Variants in AFF3 observed in about 807,000 individuals in gnomAD.
AFF3 encodes the protein ALF transcription elongation factor 3.
A neutral mutation model predicts 129.7 loss-of-function variants in AFF3; 32 were observed. The ratio of observed to expected loss-of-function variants is 0.25; its 90% CI spans 0.19 to 0.33. The LOEUF (loss-of-function observed/expected upper bound fraction) is 0.33. Among genes scored for constraint, AFF3 ranks in the 10% least tolerant of loss-of-function variants. The pLI, the probability that AFF3 is intolerant of heterozygous loss-of-function variation, is 1.00. For synonymous variants in AFF3, 644 were observed against 635.4 expected (o/e 1.01, Z -0.20); for missense variants, 1,373 against 1,592.0 (o/e 0.86, Z 2.34).
At chr2:99,596,652 C>A (rs566369129) in intron 14 of AFF3, among the ~76,000 whole-genome samples, 1 of 152,338 alleles carries the variant, frequency 6.6e-6, no homozygotes, top group Non-Finnish European at 1.5e-5. Flanking sequence ...CTGCTACCAT[C>A]CGGAGCCTTC....
rs552851281 is a variant in AFF3 at position 100,086,696 on chromosome 2, A to C, written c.53+17706T>G. On this transcript the variant is annotated intron_variant, in intron 4 of 24. Coordinates refer to ENST00000672756, the MANE Select transcript of AFF3 (RefSeq NM_001386135.1). ...TATTACCAAGGTTATTCTACTATTG[A>C]AAAAAGATGTTTCTAGCTGGCCTTC... Among the ~76,000 whole-genome samples, 14 of 152,330 alleles carry C rather than the reference A, an allele frequency of 9.2e-5. No homozygotes were observed. In the South Asian group the frequency reaches 2.9e-3, roughly 32 times the overall value.
chr2:99,826,256 C>T (rs1393334847), intron 8 of AFF3, among the ~76,000 whole-genome samples: 1 of 152,142 alleles, frequency 6.6e-6, no homozygotes, highest in Non-Finnish European at 1.5e-5. Flanking sequence ...CACAGGTGAT[C>T]CACCTGCCTC....
At chr2:99,790,661 G>T (rs1335589219) in intron 8 of AFF3, among the ~76,000 whole-genome samples, 1 of 152,136 alleles carries the variant, frequency 6.6e-6, no homozygotes, top group Non-Finnish European at 1.5e-5. Flanking sequence ...GATGCCAGGG[G>T]TACTGCTAAA....
At chr2:99,802,202 T>A (rs1310725066) in intron 8 of AFF3, among the ~76,000 whole-genome samples, 2 of 152,224 alleles carry the variant, frequency 1.3e-5, no homozygotes, top group African/African-American at 4.8e-5. Flanking sequence ...AGCCAGTTAT[T>A]TCACATGACA....
intron 4 of AFF3, among the ~76,000 whole-genome samples, chr2:100,098,203 T>G (rs1202918108): frequency 6.7e-6 from 1 of 148,708 alleles, no homozygotes; most frequent in Non-Finnish European, 1.5e-5. Context: ...CCAGCTGAAT[T>G]CAGAAACCTC....
chr2:99,968,778 G>A (rs1051644658), intron 7 of AFF3, among the ~76,000 whole-genome samples: 1 of 152,106 alleles, frequency 6.6e-6, no homozygotes, highest in Admixed American at 6.5e-5. Flanking sequence ...AACAGCTTCC[G>A]GCTAGAAGGT....
chr2:99,849,470 A>C (rs1274612885), intron 7 of AFF3, among the ~76,000 whole-genome samples: 1 of 152,086 alleles, frequency 6.6e-6, no homozygotes, highest in African/African-American at 2.4e-5. Context: ...CATTAGTTAC[A>C]TATGTCCCTG....
At chr2:99,623,262 G>A (rs908894679) in intron 13 of AFF3, among the ~76,000 whole-genome samples, 38 of 151,512 alleles carry the variant, frequency 2.5e-4, no homozygotes, top group African/African-American at 8.7e-4. Flanking sequence ...CATTTGCAGT[G>A]CAAAATGCAA....
At chr2:99,956,734 C>T (rs1676683711) in intron 7 of AFF3, among the ~76,000 whole-genome samples, 1 of 152,110 alleles carries the variant, frequency 6.6e-6, no homozygotes, top group East Asian at 1.9e-4. Flanking sequence ...TCAGCAATAA[C>T]TGAGCAAGAG....
intron 8 of AFF3, among the ~76,000 whole-genome samples, chr2:99,822,739 C>T (rs1297507102): frequency 6.6e-6 from 1 of 152,166 alleles, no homozygotes; most frequent in East Asian, 1.9e-4. Flanking sequence ...GCTGCTGTTC[C>T]CGGGGCTTTA....
At chr2:100,138,253 G>T (rs1302944233) in intron 1 of AFF3, among the ~76,000 whole-genome samples, 1 of 152,196 alleles carries the variant, frequency 6.6e-6, no homozygotes, top group Non-Finnish European at 1.5e-5. Context: ...CAAGGGGCAA[G>T]CATGTGATCT....
chr2:99,633,038 T>C (rs189520614), intron 13 of AFF3, among the ~76,000 whole-genome samples: 84 of 152,256 alleles, frequency 5.5e-4, no homozygotes, highest in Middle Eastern at 6.8e-3. Context: ...AGTGCGACTG[T>C]ACTACCTAGA....
intron 2 of AFF3, chr2:100,106,351 A>G (rs1691291148): frequency 8.7e-7 from 1 of 1,154,364 alleles, no homozygotes; most frequent in Non-Finnish European, 1.1e-6. Flanking sequence ...GATTAGGTAA[A>G]AACATAGAGA....
chr2:100,094,289 T>G (rs574915211), intron 4 of AFF3, among the ~76,000 whole-genome samples: 1,630 of 152,086 alleles, frequency 0.011, 24 homozygotes, highest in African/African-American at 0.038. Flanking sequence ...CTCACCATAA[T>G]GTAGAATCAG....
chr2:99,653,603 G>A (rs1025344229), intron 12 of AFF3, among the ~76,000 whole-genome samples: 4 of 152,238 alleles, frequency 2.6e-5, no homozygotes, highest in African/African-American at 9.6e-5. Flanking sequence ...GCATCCCAGT[G>A]GCGGCACCTG....
At chr2:99,663,272 T>C (rs1432667310) in intron 12 of AFF3, among the ~76,000 whole-genome samples, 1 of 152,190 alleles carries the variant, frequency 6.6e-6, no homozygotes, top group Non-Finnish European at 1.5e-5. Flanking sequence ...GTAATCTCTG[T>C]GGTAAAGAGC....
At chr2:99,576,744 ATGT>A (rs1677037951) in intron 18 of AFF3, among the ~76,000 whole-genome samples, 1 of 152,138 alleles carries the variant, frequency 6.6e-6, no homozygotes, top group African/African-American at 2.4e-5. Context: ...CTGTTTGATC[ATGT>A]TGTTGGGTTA....
At chr2:99,766,164 A>G (rs1682995729) in intron 8 of AFF3, among the ~76,000 whole-genome samples, 2 of 152,232 alleles carry the variant, frequency 1.3e-5, no homozygotes, top group Non-Finnish European at 2.9e-5. Flanking sequence ...AGCCTGGGCA[A>G]GAATAAACCC....
rs148894174 is a variant in AFF3, at chr2:99,928,148, G to A, written c.873+78484C>T. Reference sequence around the variant, plus strand: ...AACCTCTTTCGTTTGTAAACTGCCCGGTCTCAGGTATGTCTTTTATCAGCA... The same window carrying A: ...AACCTCTTTCGTTTGTAAACTGCCCAGTCTCAGGTATGTCTTTTATCAGCA... On this transcript the variant is annotated intron_variant, in intron 7 of 24. Transcript: ENST00000672756. 1.4e-3 allele frequency among the ~76,000 whole-genome samples: 208 copies of A among 152,206 alleles called. 2 individuals are homozygous for A. Among genetic ancestry groups the A allele is most frequent in the East Asian group, 3.9e-3 (20 of 5,180 alleles).
Sources: gnomAD v4.1 joint callset for allele counts (sites outside exome capture counted in the v4.1 genomes callset) on GRCh38, gnomAD v4.1.1 for gene constraint, MANE v1.5 for transcripts, NCBI Gene and HGNC (gene_info 2026-07-23, HGNC 2026-07-21) for gene names.